ROBO2: variants seen among roughly 807,000 people sequenced by gnomAD.
ROBO2 encodes the protein roundabout homolog 2.
Under a neutral mutation model 160.8 loss-of-function variants are expected in ROBO2, and 53 were observed. The observed-to-expected ratio is 0.33, with a 90% CI of 0.26 to 0.41. ROBO2 has a LOEUF of 0.41. ROBO2 is among the 10% of genes least tolerant of loss of function. The pLI is 1.00. For synonymous variants in ROBO2, 664 were observed against 611.7 expected (o/e 1.09, Z -1.26); for missense variants, 1,577 against 1,722.4 (o/e 0.92, Z 1.49).
chr3:76,018,884 T>G (rs2066481218), intron 2 of ROBO2, among the ~76,000 whole-genome samples: 1 of 151,978 alleles, frequency 6.6e-6, no homozygotes, highest in Admixed American at 6.6e-5. Flanking sequence ...ATATTTGCAT[T>G]ATGGCCTCCC....
chr3:76,531,393 C>T (rs2082216175), intron 2 of ROBO2, among the ~76,000 whole-genome samples: 2 of 151,998 alleles, frequency 1.3e-5, no homozygotes, highest in African/African-American at 4.8e-5. Context: ...TCAATAGATA[C>T]CTTTTGATAT....
intron 13 of ROBO2, among the ~76,000 whole-genome samples, chr3:77,574,165 A>G: frequency 6.6e-6 from 1 of 152,108 alleles, no homozygotes. Flanking sequence ...CAGAGGAGAC[A>G]TAAAGTTAGA....
intron 2 of ROBO2, among the ~76,000 whole-genome samples, chr3:76,794,484 A>G (rs2108767859): frequency 6.6e-6 from 1 of 152,138 alleles, no homozygotes; most frequent in East Asian, 1.9e-4. Flanking sequence ...ACGTGAAGGT[A>G]ATGTATCAAG....
At chr3:77,547,331 C>G (rs1559588003) in intron 7 of ROBO2, among the ~76,000 whole-genome samples, 1 of 152,028 alleles carries the variant, frequency 6.6e-6, no homozygotes, top group Non-Finnish European at 1.5e-5. Flanking sequence ...TAGAAACATG[C>G]ACTACTAGGC....
chr3:76,479,918 C>T (rs1012611810), intron 2 of ROBO2, among the ~76,000 whole-genome samples: 6 of 152,110 alleles, frequency 3.9e-5, no homozygotes, highest in African/African-American at 1.4e-4. Flanking sequence ...TAGACATTGG[C>T]TGAAACCAGC....
intron 2 of ROBO2, among the ~76,000 whole-genome samples, chr3:77,427,422 G>C (rs895170987): frequency 6.6e-6 from 1 of 152,184 alleles, no homozygotes; most frequent in Non-Finnish European, 1.5e-5. Flanking sequence ...AAATTGAAGT[G>C]AGCTTAAATA....
intron 2 of ROBO2, among the ~76,000 whole-genome samples, chr3:76,594,114 C>T (rs1486376185): frequency 6.6e-6 from 1 of 151,898 alleles, no homozygotes; most frequent in African/African-American, 2.4e-5. Context: ...GGGGGAATAT[C>T]TAACATCCAT....
chr3:77,106,433 T>C (rs2072810288), intron 2 of ROBO2, among the ~76,000 whole-genome samples: 1 of 152,292 alleles, frequency 6.6e-6, no homozygotes, highest in South Asian at 2.1e-4. Flanking sequence ...GACATTAGCT[T>C]AGGAAATATA....
At chr3:77,400,193 G>C (rs1171545481) in intron 2 of ROBO2, among the ~76,000 whole-genome samples, 2 of 152,154 alleles carry the variant, frequency 1.3e-5, no homozygotes, top group African/African-American at 4.8e-5. Context: ...AGGATGCCAT[G>C]AGTCCAAGGA....
At chr3:76,536,700 C>A (rs1023543951) in intron 2 of ROBO2, among the ~76,000 whole-genome samples, 2 of 152,000 alleles carry the variant, frequency 1.3e-5, no homozygotes, top group African/African-American at 4.8e-5. Context: ...TGAGATTGGG[C>A]TAGGGTATAA....
intron 2 of ROBO2, among the ~76,000 whole-genome samples, chr3:77,225,381 A>G (rs67468823): frequency 0.2 from 29,636 of 151,710 alleles, 3,292 homozygotes; most frequent in Middle Eastern, 0.32. Flanking sequence ...TTTGCGTAAT[A>G]TAGAATGATG....
chr3:76,390,977 T>C (rs1392663674), intron 2 of ROBO2, among the ~76,000 whole-genome samples: 2 of 152,144 alleles, frequency 1.3e-5, no homozygotes, highest in African/African-American at 4.8e-5. Flanking sequence ...ATGTGGACCA[T>C]ATGGACAAAA....
At chr3:76,267,493 G>A (rs142124220) in intron 2 of ROBO2, among the ~76,000 whole-genome samples, 312 of 152,020 alleles carry the variant, frequency 2.1e-3, no homozygotes, top group Middle Eastern at 0.014. Context: ...TCATCTAATT[G>A]GTCCTTTAAA....
At chr3:76,493,104 A>G (rs6801929) in intron 2 of ROBO2, among the ~76,000 whole-genome samples, 40,385 of 151,618 alleles carry the variant, frequency 0.27, 6,550 homozygotes, top group African/African-American at 0.44. Context: ...GCACATATGC[A>G]TAGCGTTGTG....
intron 2 of ROBO2, among the ~76,000 whole-genome samples, chr3:77,238,917 C>G (rs1365264724): frequency 6.6e-6 from 1 of 152,156 alleles, no homozygotes; most frequent in Non-Finnish European, 1.5e-5. Context: ...AATTATCATT[C>G]ATTTCCTTGT....
At chr3:77,425,759 G>C (rs189722274) in intron 2 of ROBO2, among the ~76,000 whole-genome samples, 37 of 151,662 alleles carry the variant, frequency 2.4e-4, no homozygotes, top group Non-Finnish European at 1.5e-5. Flanking sequence ...CCACTCCTGG[G>C]TTCACGCCAT....
chr3:77,302,525 G>T (rs1007222922), intron 2 of ROBO2, among the ~76,000 whole-genome samples: 8 of 152,038 alleles, frequency 5.3e-5, no homozygotes, highest in Middle Eastern at 3.2e-3. Context: ...GTACCTGTGT[G>T]TATTTCTGTA....
At chr3:76,669,041 A>G (rs997490582) in intron 2 of ROBO2, among the ~76,000 whole-genome samples, 7 of 152,064 alleles carry the variant, frequency 4.6e-5, no homozygotes, top group African/African-American at 1.7e-4. Context: ...TTCTCTCAAG[A>G]AGATATTGTA....
intron 2 of ROBO2, among the ~76,000 whole-genome samples, chr3:76,475,759 A>G (rs1419492981): frequency 6.6e-6 from 1 of 152,196 alleles, no homozygotes; most frequent in Non-Finnish European, 1.5e-5. Flanking sequence ...ATAATGTTAG[A>G]CGTGAGATTC....
Sources: allele counts gnomAD v4.1 joint callset (sites outside exome capture counted in the v4.1 genomes callset), GRCh38; gene constraint gnomAD v4.1.1; transcripts MANE v1.5; gene names NCBI Gene and HGNC (gene_info 2026-07-23, HGNC 2026-07-21).